ADGRA3: variants seen among roughly 807,000 people sequenced by gnomAD.
ADGRA3 encodes the protein G-protein coupled receptor 125.
Under a neutral mutation model 119.8 loss-of-function variants are expected in ADGRA3, and 56 were observed. That is an observed-to-expected ratio of 0.47 (90% CI 0.38 to 0.58). ADGRA3 has a LOEUF of 0.58. Ranked by LOEUF, ADGRA3 falls within the 20% of genes least tolerant of loss-of-function variation. The pLI is 0.00. For synonymous variants in ADGRA3, 607 were observed against 623.8 expected, an observed-to-expected ratio of 0.97 and a Z score of 0.40; for missense variants, 1,516 against 1,649.0, an observed-to-expected ratio of 0.92 and a Z score of 1.40.
intron 2 of ADGRA3, among the ~76,000 whole-genome samples, chr4:22,462,200 TTTTAAA>T (rs1717491459): frequency 6.6e-6 from 1 of 152,220 alleles, no homozygotes; most frequent in Non-Finnish European, 1.5e-5. Context: ...TTCAGTTGAA[TTTTAAA>T]AAACCATCTT....
chr4:22,512,436 G>C (rs1378259777), intron 1 of ADGRA3, among the ~76,000 whole-genome samples: 2 of 152,156 alleles, frequency 1.3e-5, no homozygotes, highest in African/African-American at 4.8e-5. Context: ...TCATGAGCTG[G>C]ACAGTGTTTC....
chr4:22,461,317 CTTTT>C (rs1334109486), intron 3 of ADGRA3, among the ~76,000 whole-genome samples: 1 of 152,150 alleles, frequency 6.6e-6, no homozygotes, highest in East Asian at 1.9e-4. Context: ...GTTTTTCTTT[CTTTT>C]TGTTTTATTG....
chr4:22,438,841 T>A (rs920019050), intron 7 of ADGRA3, among the ~76,000 whole-genome samples: 1 of 151,940 alleles, frequency 6.6e-6, no homozygotes, highest in Non-Finnish European at 1.5e-5. Flanking sequence ...AAAAATATTT[T>A]TAAAAGTTAG....
chr4:22,388,316 G>A lies in ADGRA3; in HGVS notation c.3355C>T (p.Gln1119Ter). ...GCATGGCACTGAGCTGCAGCCGCCT[G>A]CAAGTTTGTTAATTTGCAGCCCTGG... The part of the protein sequence containing the change: ...SSQGCKLTNL[Q>*]AAAAQCHANS... The change falls in exon 19 of 19, where the codon CAG becomes TAG. Residue 1119 changes from glutamine (Q) to a stop codon, truncating the protein, a stop_gained. Coordinates refer to ENST00000334304, the MANE Select transcript of ADGRA3 (RefSeq NM_145290.4). LOFTEE classifies it high-confidence loss of function. 6.2e-7 allele frequency: 1 copy of A among 1,614,076 alleles called. No individual in the cohort carries two copies. The highest frequency in any genetic ancestry group is 8.5e-7 in the Non-Finnish European group (1 of 1,180,000).
At chr4:22,433,930 C>G (rs1716287717) in intron 10 of ADGRA3, among the ~76,000 whole-genome samples, 1 of 152,012 alleles carries the variant, frequency 6.6e-6, no homozygotes, top group Non-Finnish European at 1.5e-5. Context: ...AAATCATGGC[C>G]CCTGAAGTTC....
At chr4:22,461,329 T>C (rs1396571366) in intron 3 of ADGRA3, among the ~76,000 whole-genome samples, 1 of 152,252 alleles carries the variant, frequency 6.6e-6, no homozygotes. Context: ...TTTTGTTTTA[T>C]TGAGACAGAG....
At chr4:22,422,074 G>A (rs957633618) in intron 11 of ADGRA3, among the ~76,000 whole-genome samples, 1 of 151,918 alleles carries the variant, frequency 6.6e-6, no homozygotes, top group Non-Finnish European at 1.5e-5. Context: ...AGGCCCACTC[G>A]CTGGAGGACA....
At chr4:22,418,618 T>C (rs1418334893) in intron 12 of ADGRA3, among the ~76,000 whole-genome samples, 2 of 152,064 alleles carry the variant, frequency 1.3e-5, no homozygotes, top group Non-Finnish European at 2.9e-5. Context: ...AGACGTCAAA[T>C]GATAAAGCTA....
intron 2 of ADGRA3, among the ~76,000 whole-genome samples, chr4:22,466,530 C>G (rs1256146045): frequency 6.6e-6 from 1 of 152,136 alleles, no homozygotes; most frequent in Non-Finnish European, 1.5e-5. Flanking sequence ...AGTTCGAGAA[C>G]AGCCTGGCCA....
At chr4:22,489,764 A>T (rs1560343157) in intron 1 of ADGRA3, among the ~76,000 whole-genome samples, 1 of 152,198 alleles carries the variant, frequency 6.6e-6, no homozygotes, top group Non-Finnish European at 1.5e-5. Flanking sequence ...AGTTCAGTAT[A>T]TTCTGCCTTC....
At chr4:22,513,790 G>T (rs1418571802) in intron 1 of ADGRA3, among the ~76,000 whole-genome samples, 2 of 142,070 alleles carry the variant, frequency 1.4e-5, no homozygotes, top group Non-Finnish European at 3.0e-5. Flanking sequence ...GGGATTACAG[G>T]TGTGAGCCCA....
At chr4:22,471,169 T>C (rs1577368417) in intron 2 of ADGRA3, among the ~76,000 whole-genome samples, 1 of 152,138 alleles carries the variant, frequency 6.6e-6, no homozygotes, top group East Asian at 1.9e-4. Flanking sequence ...GCAGAGCAGC[T>C]AAGAGCCCAG....
chr4:22,515,469 A>G, intron 1 of ADGRA3, 59 bp downstream of exon 1: 1 of 1,568,676 alleles, frequency 6.4e-7, no homozygotes, highest in Non-Finnish European at 8.7e-7. Flanking sequence ...TCCAAAGTTG[A>G]GCGGAGAGAT....
intron 14 of ADGRA3, among the ~76,000 whole-genome samples, chr4:22,404,630 C>G (rs1452297409): frequency 6.6e-6 from 1 of 152,132 alleles, no homozygotes; most frequent in African/African-American, 2.4e-5. Context: ...GAACACAGTT[C>G]CAACCCTTGG....
chr4:22,398,921 G>C (rs990315532), intron 16 of ADGRA3, among the ~76,000 whole-genome samples: 12 of 152,152 alleles, frequency 7.9e-5, no homozygotes, highest in Admixed American at 6.6e-5. Context: ...CTGGGTTCCA[G>C]GGTACATGAA....
At chr4:22,409,748 T>G (rs568524679) in intron 14 of ADGRA3, among the ~76,000 whole-genome samples, 1 of 152,234 alleles carries the variant, frequency 6.6e-6, no homozygotes, top group African/African-American at 2.4e-5. Context: ...AAAAGCACGG[T>G]TTAGAACAGT....
intron 1 of ADGRA3, among the ~76,000 whole-genome samples, chr4:22,515,133 GA>G (rs1417367168): frequency 6.6e-6 from 1 of 152,254 alleles, no homozygotes; most frequent in African/African-American, 2.4e-5. Context: ...CAAAGAAGCA[GA>G]AGGACTGGCG....
chr4:22,404,581 C>G lies in ADGRA3; in HGVS notation c.2233-1782G>C, dbSNP rs78833932. Among the ~76,000 whole-genome samples the G allele has an allele frequency of 2.0e-4, 31 of 152,276 alleles. No homozygotes were observed. The East Asian group carries it at 5.8e-3, about 28-fold the overall frequency. On this transcript the variant is annotated intron_variant, in intron 14 of 18. Transcript: ENST00000334304. ...ACAAATATTGAGTGCCGGCCATGGT[C>G]AGGCACAGTACCAAGTAATGGATAT...
intron 1 of ADGRA3, chr4:22,514,539 C>T (rs1489055094): frequency 2.0e-5 from 3 of 152,176 alleles, no homozygotes; most frequent in Non-Finnish European, 4.4e-5. Flanking sequence ...ATGCTGCGGT[C>T]CTTGCATTCA....
Sources: allele counts gnomAD v4.1 joint callset (sites outside exome capture counted in the v4.1 genomes callset), GRCh38; gene constraint gnomAD v4.1.1; transcripts MANE v1.5; gene names NCBI Gene and HGNC (gene_info 2026-07-23, HGNC 2026-07-21).